TLN2: variants seen among roughly 807,000 people sequenced by gnomAD.
TLN2 encodes the protein talin 2.
Under a neutral mutation model 294.7 loss-of-function variants are expected in TLN2, and 118 were observed. That is an observed-to-expected ratio of 0.40 (90% CI 0.34 to 0.47). TLN2 has a LOEUF of 0.47. Ranked by LOEUF, TLN2 falls within the 20% of genes least tolerant of loss-of-function variation. The probability of loss-of-function intolerance (pLI) is 0.84; values close to 1 mark genes in which losing one functional copy is unlikely to be tolerated. For missense variants in TLN2, 3,083 were observed against 3,282.2 expected, an observed-to-expected ratio of 0.94 and a Z score of 1.48; for synonymous variants, 1,431 against 1,304.5, an observed-to-expected ratio of 1.10 and a Z score of -2.09.
chr15:62,666,009 T>C (rs755925173), intron 9 of TLN2, among the ~76,000 whole-genome samples: 11 of 152,142 alleles, frequency 7.2e-5, no homozygotes, highest in Non-Finnish European at 1.6e-4. Context: ...TTCAATAGTG[T>C]CTGTATTGTT....
chr15:62,475,085 C>T (rs981559040), intron 1 of TLN2, among the ~76,000 whole-genome samples: 1 of 152,164 alleles, frequency 6.6e-6, no homozygotes, highest in Admixed American at 6.5e-5. Flanking sequence ...GTATTTGGCT[C>T]TGTCTCCCTG....
intron 1 of TLN2, among the ~76,000 whole-genome samples, chr15:62,400,081 T>C (rs2032908208): frequency 6.6e-6 from 1 of 152,236 alleles, no homozygotes; most frequent in Non-Finnish European, 1.5e-5. Flanking sequence ...GTTACCGCCA[T>C]GCTGTTCTTC....
chr15:62,401,932 A>C (rs1459875163), intron 1 of TLN2, among the ~76,000 whole-genome samples: 1 of 152,188 alleles, frequency 6.6e-6, no homozygotes, highest in Non-Finnish European at 1.5e-5. Context: ...GAGGAAGAAG[A>C]GATGCTATTG....
intron 1 of TLN2, among the ~76,000 whole-genome samples, chr15:62,585,951 G>A (rs1217513524): frequency 6.6e-6 from 1 of 152,152 alleles, no homozygotes; most frequent in Non-Finnish European, 1.5e-5. Flanking sequence ...ATTGCTGATT[G>A]CATCAGACAT....
chr15:62,653,331 G>A lies in TLN2; in HGVS notation c.517+17G>A, dbSNP rs778988014. 1.2e-6 allele frequency: 2 copies of A among 1,605,332 alleles called. No homozygotes were observed. Among genetic ancestry groups the A allele is most frequent in the East Asian group, 2.2e-5 (1 of 44,616 alleles). ...ATGATGACCGTAAGTGTTTGCAGAG[G>A]AAGCATGATACAGACACACAGGCTT... is the stretch of plus-strand genomic sequence containing the variant. On this transcript the variant is annotated intron_variant, in intron 7 of 58. Coordinates refer to ENST00000636159, the MANE Select transcript of TLN2 (RefSeq NM_015059.3).
At chr15:62,542,865 A>G (rs951332806) in intron 1 of TLN2, among the ~76,000 whole-genome samples, 1 of 152,048 alleles carries the variant, frequency 6.6e-6, no homozygotes, top group Non-Finnish European at 1.5e-5. Flanking sequence ...AGAGCCAGCA[A>G]CTTTGACCCA....
At position 62,749,116 on chromosome 15, in the gene TLN2, G is replaced by C. The variant is rs150223252; in HGVS notation, c.4119+672G>C. On this transcript the variant is annotated intron_variant, in intron 33 of 58. Transcript: ENST00000636159. Reference sequence around the variant, plus strand: ...CCGGTTATATTGAGATGCCAGACGAGTATCTCAGTAGATGTGGGTTGGTTG... The same window carrying C: ...CCGGTTATATTGAGATGCCAGACGACTATCTCAGTAGATGTGGGTTGGTTG... 2.4e-4 allele frequency among the ~76,000 whole-genome samples: 36 copies of C among 152,336 alleles called. No individual in the cohort carries two copies. The East Asian group carries it at 5.2e-3, about 22-fold the overall frequency.
intron 1 of TLN2, among the ~76,000 whole-genome samples, chr15:62,587,150 A>G (rs997910195): frequency 5.3e-5 from 8 of 152,232 alleles, no homozygotes; most frequent in Non-Finnish European, 1.0e-4. Flanking sequence ...TGAGGAAGGT[A>G]ACTCCCTACT....
Position 62,455,098 on chromosome 15 carries a change from A to G in TLN2, c.-238+64413A>G, listed in dbSNP as rs192938799. On this transcript the variant is annotated intron_variant, in intron 1 of 58. Coordinates refer to ENST00000636159, the MANE Select transcript of TLN2 (RefSeq NM_015059.3). ...AAAGGAGGGAGAAAAATAAATAACT[A>G]TTTTTAAAGGGAACCATTGTATTCA... is the stretch of plus-strand genomic sequence containing the variant. Among the ~76,000 whole-genome samples, 701 of 151,796 alleles carry G rather than the reference A, an allele frequency of 4.6e-3. 5 individuals carry two copies. Among genetic ancestry groups the G allele is most frequent in the African/African-American group, 0.016 (674 of 41,512 alleles).
intron 1 of TLN2, among the ~76,000 whole-genome samples, chr15:62,503,272 T>C (rs933259500): frequency 1.3e-5 from 2 of 152,164 alleles, no homozygotes; most frequent in African/African-American, 4.8e-5. Context: ...CCTACCCTCC[T>C]AGGAAGTGGC....
intron 1 of TLN2, among the ~76,000 whole-genome samples, chr15:62,580,540 A>G (rs564903522): frequency 6.6e-6 from 1 of 152,048 alleles, no homozygotes; most frequent in Admixed American, 6.6e-5. Flanking sequence ...CCTCGCGAGT[A>G]GCCGGTACTA....
At chr15:62,796,082 T>A (rs766355285) in intron 46 of TLN2, 45 bp from the exon 47 acceptor site, 2 of 1,602,036 alleles carry the variant, frequency 1.2e-6, no homozygotes, top group Admixed American at 3.5e-5. Context: ...TAGGTCCTGT[T>A]CTCTCCATTT....
At chr15:62,407,838 C>G (rs1402932358) in intron 1 of TLN2, among the ~76,000 whole-genome samples, 2 of 152,012 alleles carry the variant, frequency 1.3e-5, no homozygotes, top group Non-Finnish European at 2.9e-5. Context: ...TCGCTTGAAC[C>G]CGGGAGGCAG....
At chr15:62,401,528 G>T (rs1296963685) in intron 1 of TLN2, among the ~76,000 whole-genome samples, 2 of 152,144 alleles carry the variant, frequency 1.3e-5, no homozygotes, top group African/African-American at 4.8e-5. Flanking sequence ...ACTGTTCCTG[G>T]ACCTAGCTGC....
At chr15:62,693,435 A>C (rs2058080310) in intron 13 of TLN2, among the ~76,000 whole-genome samples, 1 of 152,232 alleles carries the variant, frequency 6.6e-6, no homozygotes, top group Admixed American at 6.5e-5. Flanking sequence ...CTTTTTCTGC[A>C]GCACATATTT....
intron 11 of TLN2, 98 bp downstream of exon 11, chr15:62,675,419 C>T (rs914484098): frequency 2.4e-6 from 3 of 1,247,164 alleles, no homozygotes; most frequent in Admixed American, 2.1e-5. Context: ...TGCTCACCCC[C>T]CTAGCATTTG....
chr15:62,784,327 C>T (rs778119730), intron 45 of TLN2: 8 of 230,916 alleles, frequency 3.5e-5, no homozygotes, highest in Admixed American at 2.2e-4. Context: ...CCCTCTCCCT[C>T]GAAAGAGCTA....
chr15:62,413,387 C>G (rs547882976), intron 1 of TLN2, among the ~76,000 whole-genome samples: 1 of 152,240 alleles, frequency 6.6e-6, no homozygotes, highest in East Asian at 1.9e-4. Flanking sequence ...GGCCCTGCCC[C>G]CACCCCCAAG....
At chr15:62,458,950 G>A (rs2036638248) in intron 1 of TLN2, among the ~76,000 whole-genome samples, 2 of 151,950 alleles carry the variant, frequency 1.3e-5, no homozygotes, top group African/African-American at 4.8e-5. Context: ...TCTATTTAGG[G>A]GTCTGCTGGT....
Sources: gnomAD v4.1 joint callset for allele counts (sites outside exome capture counted in the v4.1 genomes callset) on GRCh38, gnomAD v4.1.1 for gene constraint, MANE v1.5 for transcripts, NCBI Gene and HGNC (gene_info 2026-07-23, HGNC 2026-07-21) for gene names.